The following PCDHGB3 variants were observed in gnomAD, a reference collection of about 807,000 sequenced individuals.
The protein encoded by PCDHGB3 is protocadherin gamma subfamily B, 3.
In PCDHGB3, 40 loss-of-function variants were observed where a neutral mutation model predicts 59.2. That is an observed-to-expected ratio of 0.68 (90% CI 0.52 to 0.88). The LOEUF (loss-of-function observed/expected upper bound fraction) is 0.88, where lower values mean the gene tolerates loss of function less well. Ranked by LOEUF, PCDHGB3 falls within the 40% of genes least tolerant of loss-of-function variation. PCDHGB3 has a pLI of 0.00. For synonymous variants in PCDHGB3, 581 were observed against 503.6 expected, an observed-to-expected ratio of 1.15 and a Z score of -2.06; for missense variants, 1,309 against 1,187.9, an observed-to-expected ratio of 1.10 and a Z score of -1.50.
intron 1 of PCDHGB3, chr5:141,423,760 G>GGT: frequency 7.2e-6 from 2 of 279,662 alleles, no homozygotes; most frequent in Non-Finnish European, 1.1e-5. Context: ...TGGGGGGGGG[G>GGT]TGGGGCGGCA....
At chr5:141,416,132 A>C in intron 1 of PCDHGB3, 1 of 154,082 alleles carries the variant, frequency 6.5e-6, no homozygotes, top group Non-Finnish European at 1.4e-5. Context: ...ATATTTTTCA[A>C]TCTATACTTT....
chr5:141,464,911 T>G (rs2099093002), intron 1 of PCDHGB3, among the ~76,000 whole-genome samples: 1 of 151,718 alleles, frequency 6.6e-6, no homozygotes, highest in Non-Finnish European at 1.5e-5. Context: ...GCTAATTTTT[T>G]TATTTTTTTG....
intron 2 of PCDHGB3, among the ~76,000 whole-genome samples, chr5:141,504,422 T>G (rs1375202110): frequency 6.6e-6 from 1 of 152,078 alleles, no homozygotes; most frequent in Admixed American, 6.6e-5. Context: ...AGACAGGCAC[T>G]ACAACAGCTG....
At position 141,398,657 on chromosome 5, in the gene PCDHGB3, G is replaced by A. The variant is rs776950213; in HGVS notation, c.2415+25848G>A. 3.1e-6 allele frequency: 5 copies of A among 1,614,018 alleles called. No individual in the cohort carries two copies. In the South Asian group the frequency reaches 5.5e-5, roughly 18 times the overall value. On this transcript the variant is annotated intron_variant, in intron 1 of 3. Transcript: ENST00000576222. ...AAGTATAAACTCTCTCTTAACCCAA[G>A]TTTCTCATTAATAATTAAGGAGAAA...
intron 1 of PCDHGB3, chr5:141,392,972 G>C (rs2092640426): frequency 6.2e-7 from 1 of 1,613,802 alleles, no homozygotes; most frequent in African/African-American, 1.3e-5. Context: ...AGGACCTGGG[G>C]CTGGACCCCC....
intron 1 of PCDHGB3, chr5:141,405,249 G>C: frequency 1.2e-6 from 2 of 1,614,128 alleles, no homozygotes; most frequent in Non-Finnish European, 1.7e-6. Flanking sequence ...TCAAGGAAGA[G>C]TCACCTGATC....
At chr5:141,500,822 T>A (rs1377955680) in intron 2 of PCDHGB3, among the ~76,000 whole-genome samples, 1 of 152,240 alleles carries the variant, frequency 6.6e-6, no homozygotes, top group African/African-American at 2.4e-5. Context: ...TACATATTAT[T>A]TTTCTAATGC....
intron 2 of PCDHGB3, among the ~76,000 whole-genome samples, chr5:141,503,595 G>T (rs6892628): frequency 0.52 from 72,995 of 139,870 alleles, 19,322 homozygotes; most frequent in African/African-American, 0.64. Flanking sequence ...CGAGACTCCA[G>T]CTCAAAAAAA....
intron 2 of PCDHGB3, among the ~76,000 whole-genome samples, chr5:141,499,022 A>C (rs1244590420): frequency 2.7e-5 from 4 of 150,722 alleles, no homozygotes; most frequent in Admixed American, 2.0e-4. Context: ...GGAAGGAAGG[A>C]AGGAAGAAAA....
At chr5:141,454,796 ATTTTTTT>A (rs61612330) in intron 1 of PCDHGB3, among the ~76,000 whole-genome samples, 2,943 of 77,244 alleles carry the variant, frequency 0.038, 52 homozygotes, top group African/African-American at 0.09. Context: ...CATGGTTCTA[ATTTTTTT>A]TTTTTTTTTT....
Position 141,431,592 on chromosome 5 carries a change from G to A in PCDHGB3, c.2415+58783G>A, listed in dbSNP as rs1429358254. 2.5e-6 allele frequency: 4 copies of A among 1,614,100 alleles called. No individual in the cohort carries two copies. The Admixed American group carries it at 6.7e-5, about 27-fold the overall frequency. The stretch of plus-strand genomic sequence containing the variant: ...GACGAAGGAGTCAATGCGGAAGTGA[G>A]GTATTCCTTCCGGTATGTGGACGAC... On this transcript the variant is annotated intron_variant, in intron 1 of 3. Transcript: ENST00000576222. The surrounding 1 kb of genome is among the most constrained non-coding windows in gnomAD (Gnocchi z 4.8).
chr5:141,491,138 C>T lies in PCDHGB3; in HGVS notation c.2416-3669C>T. The T allele has an allele frequency of 1.2e-6, 2 of 1,614,106 alleles. No individual in the cohort carries two copies. The highest frequency in any genetic ancestry group is 1.7e-6 in the Non-Finnish European group (2 of 1,179,962). On this transcript the variant is annotated intron_variant, in intron 1 of 3. Transcript: ENST00000576222. The surrounding 1 kb of genome is among the most constrained non-coding windows in gnomAD (Gnocchi z 6.9). ...ACTGGTGAGGTGCGCACAGCCCGGG[C>T]CTTACTGGAGGATGACTCTGACACC...
chr5:141,427,626 C>T, intron 1 of PCDHGB3: 1 of 699,934 alleles, frequency 1.4e-6, no homozygotes, highest in Non-Finnish European at 2.6e-6. Flanking sequence ...CGACAATGCT[C>T]CGGTTTTCCA....
At chr5:141,502,472 A>T (rs1450967250) in intron 2 of PCDHGB3, among the ~76,000 whole-genome samples, 1 of 150,886 alleles carries the variant, frequency 6.6e-6, no homozygotes, top group Non-Finnish European at 1.5e-5. Flanking sequence ...TACTTCCCGC[A>T]GCATCACACT....
Position 141,389,013 on chromosome 5 carries a change from A to G in PCDHGB3, c.2415+16204A>G, listed in dbSNP as rs187666474. 2.5e-6 allele frequency: 4 copies of G among 1,614,010 alleles called. No homozygotes were observed. The African/African-American group carries it at 4.0e-5, about 16-fold the overall frequency. On this transcript the variant is annotated intron_variant, in intron 1 of 3. Coordinates refer to ENST00000576222, the MANE Select transcript of PCDHGB3 (RefSeq NM_018924.5). ...AGTCCGTGACAAGGATTCCAGACAC[A>G]ATGGAGAAGTGACTTGTAAATTGGA...
chr5:141,380,578 G>A (rs532519748), intron 1 of PCDHGB3, among the ~76,000 whole-genome samples: 19 of 152,144 alleles, frequency 1.2e-4, no homozygotes, highest in African/African-American at 3.4e-4. Flanking sequence ...ATATCTTGGC[G>A]GTCTAGTAAA....
chr5:141,372,992 T>C (rs1414132477), intron 1 of PCDHGB3, among the ~76,000 whole-genome samples, 183 bp downstream of exon 1: 1 of 152,240 alleles, frequency 6.6e-6, no homozygotes, highest in Non-Finnish European at 1.5e-5. Flanking sequence ...GTTGCAGTTG[T>C]TCTTTCATAG....
In PCDHGB3 at chr5:141,389,482, G is replaced by A. The variant is rs766365115; in HGVS notation, c.2415+16673G>A. ...GCCTTCGAACTCACACTGCAGGCCC[G>A]CGACCAGGGCTCGCCAGCGCTCAGC... is the stretch of plus-strand genomic sequence containing the variant. On this transcript the variant is annotated intron_variant, in intron 1 of 3. Transcript: ENST00000576222. 4 of 1,613,080 alleles carry A rather than the reference G, an allele frequency of 2.5e-6. No homozygotes were observed. The South Asian group carries it at 3.3e-5, about 13-fold the overall frequency.
At position 141,370,431 on chromosome 5, in the gene PCDHGB3, C is replaced by T. The variant is rs781725502; in HGVS notation, c.37C>T (p.Gln13Ter). Residue 13 changes from glutamine (Q) to a stop codon, truncating the protein, a stop_gained, in exon 1 of 4, where the codon CAG becomes TAG. Transcript: ENST00000576222. LOFTEE classifies it high-confidence loss of function. ...NSSGWRGPAG[Q>*]RRMLFLFLLS... The stretch of plus-strand genomic sequence containing the variant: ...CTCCGGATGGAGGGGCCCAGCAGGG[C>T]AGAGGCGAATGCTATTTCTCTTCCT... The T allele has an allele frequency of 3.8e-6, 6 of 1,599,456 alleles. No homozygotes were observed. The highest frequency in any genetic ancestry group is 5.1e-6 in the Non-Finnish European group (6 of 1,172,546).
Sources: gnomAD v4.1 joint callset for allele counts (sites outside exome capture counted in the v4.1 genomes callset) on GRCh38, gnomAD v4.1.1 for gene constraint, Gnocchi (gnomAD v3.1) non-coding constraint, MANE v1.5 for transcripts, NCBI Gene and HGNC (gene_info 2026-07-23, HGNC 2026-07-21) for gene names.